Variants in CLIP1 observed in about 807,000 individuals in gnomAD.
The protein encoded by CLIP1 is CAP-Gly domain containing linker protein 1.
A neutral mutation model predicts 161.6 loss-of-function variants in CLIP1; 66 were observed. The observed-to-expected ratio is 0.41, with a 90% CI of 0.33 to 0.50. The LOEUF (loss-of-function observed/expected upper bound fraction) is 0.50. CLIP1 is among the 20% of genes least tolerant of loss of function. The probability of loss-of-function intolerance (pLI) is 0.27; values close to 1 mark genes in which losing one functional copy is unlikely to be tolerated. For synonymous variants in CLIP1, 598 were observed against 626.2 expected, an observed-to-expected ratio of 0.96 and a Z score of 0.67; for missense variants, 1,376 against 1,702.0, an observed-to-expected ratio of 0.81 and a Z score of 3.37.
chr12:122,275,940 G>A (rs368628064), intron 24 of CLIP1: 3 of 147,206 alleles, frequency 2.0e-5, no homozygotes, highest in Non-Finnish European at 3.0e-5. Context: ...GCCAAGAGCT[G>A]GGGCAGTGGG....
intron 25 of CLIP1, 117 bp downstream of exon 25, chr12:122,273,921 G>A (rs753118812): frequency 6.0e-5 from 45 of 755,390 alleles, no homozygotes; most frequent in Non-Finnish European, 8.5e-5. Flanking sequence ...TAGTAGAGAC[G>A]AGGTTTCATC....
chr12:122,296,981 T>C (rs964684531), intron 20 of CLIP1, among the ~76,000 whole-genome samples: 11 of 152,074 alleles, frequency 7.2e-5, no homozygotes, highest in South Asian at 2.1e-4. Flanking sequence ...CAGAGATTCA[T>C]TGTACTGCTC....
At chr12:122,346,842 G>A (rs1049188737) in intron 10 of CLIP1, among the ~76,000 whole-genome samples, 3 of 152,178 alleles carry the variant, frequency 2.0e-5, no homozygotes, top group Non-Finnish European at 4.4e-5. Context: ...AGGAAGGAGG[G>A]AGATGCAGAG....
intron 6 of CLIP1, chr12:122,354,847 G>T (rs1566161130): frequency 1.7e-6 from 1 of 580,584 alleles, no homozygotes; most frequent in South Asian, 2.1e-5. Context: ...TAAGGCCCTA[G>T]TAACCAAGCT....
At chr12:122,376,101 CTAATT>C (rs1954715211) in intron 3 of CLIP1, among the ~76,000 whole-genome samples, 1 of 152,020 alleles carries the variant, frequency 6.6e-6, no homozygotes, top group Non-Finnish European at 1.5e-5. Flanking sequence ...CCATGCCTGT[CTAATT>C]TTTGTATTTT....
intron 1 of CLIP1, among the ~76,000 whole-genome samples, chr12:122,397,281 G>A (rs1955949111): frequency 6.6e-6 from 1 of 150,924 alleles, no homozygotes; most frequent in South Asian, 2.1e-4. Context: ...AACCTCGAAA[G>A]CATGTACTGA....
At chr12:122,319,949 C>A (rs1395586805) in intron 17 of CLIP1, among the ~76,000 whole-genome samples, 1 of 152,126 alleles carries the variant, frequency 6.6e-6, no homozygotes, top group Non-Finnish European at 1.5e-5. Context: ...GAGACAAATT[C>A]TTAGCTGTTA....
intron 20 of CLIP1, among the ~76,000 whole-genome samples, chr12:122,291,148 C>T (rs1950233354): frequency 7.0e-6 from 1 of 143,096 alleles, no homozygotes; most frequent in Admixed American, 7.0e-5. Flanking sequence ...CCGCCTCAGC[C>T]ACCCGAAGTG....
intron 4 of CLIP1, among the ~76,000 whole-genome samples, chr12:122,361,960 T>A (rs1184810899): frequency 2.0e-5 from 3 of 149,194 alleles, no homozygotes; most frequent in African/African-American, 7.3e-5. Context: ...AATGTATAAT[T>A]TTTTTTTTTT....
At chr12:122,299,365 C>T (rs149835878) in intron 20 of CLIP1, among the ~76,000 whole-genome samples, 3 of 151,782 alleles carry the variant, frequency 2.0e-5, no homozygotes, top group East Asian at 1.9e-4. Context: ...TTAAAAGATA[C>T]GAAAGAGAAT....
Position 122,272,810 on chromosome 12 carries a change from G to T in CLIP1, c.*65C>A, listed in dbSNP as rs1592944606. 2 of 1,328,796 alleles carry T rather than the reference G, an allele frequency of 1.5e-6. No individual in the cohort carries two copies. The highest frequency in any genetic ancestry group is 4.6e-5 in the East Asian group (2 of 43,384). The allele number at this position is 1,328,796 out of a possible 1,614,324, so 82.3% of individuals were successfully genotyped here. On this transcript the variant is annotated 3_prime_UTR_variant, in exon 26 of 26. Transcript: ENST00000620786. ...TTCTCCTGAAGTCTGCACACACAAT[G>T]CTGGTGTTACGTTGTGTCAATGCGA...
intron 20 of CLIP1, among the ~76,000 whole-genome samples, chr12:122,303,957 G>T (rs866037137): frequency 1.1e-4 from 17 of 152,184 alleles, no homozygotes; most frequent in Admixed American, 3.3e-4. Context: ...AAGCAGGAAG[G>T]AAGGGCCAGC....
chr12:122,373,286 T>A (rs1954543999), intron 3 of CLIP1, among the ~76,000 whole-genome samples: 1 of 151,708 alleles, frequency 6.6e-6, no homozygotes, highest in South Asian at 2.1e-4. Flanking sequence ...ATTAGCCAGG[T>A]GTGGTGGCGC....
chr12:122,359,247 T>A (rs1953657084), intron 5 of CLIP1, among the ~76,000 whole-genome samples: 1 of 152,210 alleles, frequency 6.6e-6, no homozygotes. Context: ...AAAAATAAGC[T>A]GTCTCACAGG....
In CLIP1 at chr12:122,284,749, T is replaced by C. The variant is rs541860160; in HGVS notation, c.3647+3740A>G. Among the ~76,000 whole-genome samples the C allele has an allele frequency of 2.6e-5, 4 of 152,272 alleles. No individual in the cohort carries two copies. In the South Asian group the frequency reaches 8.3e-4, roughly 32 times the overall value. ...AAGTTACATGATAAGGACTTCATCA[T>C]TAAGTACATCATCTCTTTTTTAAAA... On this transcript the variant is annotated intron_variant, in intron 21 of 25. Coordinates refer to ENST00000620786, the MANE Select transcript of CLIP1 (RefSeq NM_001247997.2).
intron 18 of CLIP1, among the ~76,000 whole-genome samples, chr12:122,319,021 C>T (rs1951379338): frequency 6.6e-6 from 1 of 152,216 alleles, no homozygotes; most frequent in South Asian, 2.1e-4. Context: ...CTTAGCCACA[C>T]TATTAGGATT....
At chr12:122,393,166 G>GT (rs55816714) in intron 1 of CLIP1, among the ~76,000 whole-genome samples, 38,113 of 139,096 alleles carry the variant, frequency 0.27, 5,144 homozygotes, top group African/African-American at 0.32. Flanking sequence ...TGGCAATCTT[G>GT]TTTTTTTTTT....
chr12:122,312,198 T>C (rs1001071371), intron 19 of CLIP1, among the ~76,000 whole-genome samples: 2 of 152,248 alleles, frequency 1.3e-5, no homozygotes, highest in Non-Finnish European at 2.9e-5. Flanking sequence ...AAATCTATTA[T>C]CATGCTAAAT....
chr12:122,316,987 T>C, intron 18 of CLIP1, 132 bp from the exon 19 acceptor site: 1 of 604,078 alleles, frequency 1.7e-6, no homozygotes, highest in African/African-American at 1.9e-5. Context: ...AAAAGTCTCC[T>C]GGGTGAAGAG....
Sources: allele counts gnomAD v4.1 joint callset (sites outside exome capture counted in the v4.1 genomes callset), GRCh38; gene constraint gnomAD v4.1.1; transcripts MANE v1.5; gene names NCBI Gene and HGNC (gene_info 2026-07-23, HGNC 2026-07-21).